GAPVD1: variants seen among roughly 807,000 people sequenced by gnomAD.
The protein encoded by GAPVD1 is GTPase activating protein and VPS9 domains 1.
Under a neutral mutation model 155.5 loss-of-function variants are expected in GAPVD1, and 35 were observed. That is an observed-to-expected ratio of 0.23 (90% CI 0.17 to 0.30). The LOEUF (loss-of-function observed/expected upper bound fraction) is 0.30. Among genes scored for constraint, GAPVD1 ranks in the 10% least tolerant of loss-of-function variants. The pLI, the probability that GAPVD1 is intolerant of heterozygous loss-of-function variation, is 1.00. For missense variants in GAPVD1, 1,429 were observed against 1,775.7 expected (o/e 0.80, Z 3.51); for synonymous variants, 636 against 619.7 (o/e 1.03, Z -0.39).
chr9:125,310,134 C>G (rs1401272495), intron 8 of GAPVD1: 2 of 235,546 alleles, frequency 8.5e-6, no homozygotes, highest in East Asian at 2.3e-4. Flanking sequence ...TGATTGCTTG[C>G]ATTTTTATAA....
chr9:125,264,596 C>T (rs899475610), intron 1 of GAPVD1, among the ~76,000 whole-genome samples: 1 of 152,080 alleles, frequency 6.6e-6, no homozygotes, highest in African/African-American at 2.4e-5. Flanking sequence ...ATATGTTGGC[C>T]TTTAAATTTT....
intron 23 of GAPVD1, among the ~76,000 whole-genome samples, chr9:125,353,896 C>A (rs1849666671): frequency 6.6e-6 from 1 of 152,172 alleles, no homozygotes; most frequent in African/African-American, 2.4e-5. Context: ...GATATTTACT[C>A]TGGAAATGTA....
intron 1 of GAPVD1, chr9:125,263,822 G>C: frequency 1.8e-6 from 2 of 1,110,804 alleles, no homozygotes; most frequent in South Asian, 2.5e-5. Flanking sequence ...CAGCTATGGC[G>C]TAGGGTAGCA....
intron 2 of GAPVD1, among the ~76,000 whole-genome samples, chr9:125,292,522 A>G (rs1838774411): frequency 1.3e-5 from 2 of 151,876 alleles, no homozygotes; most frequent in Non-Finnish European, 1.5e-5. Flanking sequence ...CCTCCTGAGT[A>G]GCTGGGATTA....
In GAPVD1 at chr9:125,363,190, T is replaced by C. The variant is rs991172991; in HGVS notation, c.*444T>C. The C allele has an allele frequency of 2.0e-5, 3 of 152,238 alleles. No homozygotes were observed. The highest frequency in any genetic ancestry group is 7.2e-5 in the African/African-American group (3 of 41,438). 9.4% of individuals were successfully genotyped at this position (152,238 alleles called of 1,614,324 possible). On this transcript the variant is annotated 3_prime_UTR_variant, in exon 28 of 28. Transcript: ENST00000297933. ...GTATGAGTTGCACTGAGGATTAGAA[T>C]AGTGGTGCGTTAGTGGCATTATCTA...
chr9:125,363,925 A>G lies in GAPVD1; in HGVS notation c.*1179A>G, dbSNP rs1484273682. On this transcript the variant is annotated 3_prime_UTR_variant, in exon 28 of 28. Coordinates refer to ENST00000297933, the MANE Select transcript of GAPVD1 (RefSeq NM_001282680.3). ...ATAGTTTGGTTTGCATTGTATATCA[A>G]TAATTAATCAGGAATGGGTTTTGGT... is the stretch of plus-strand genomic sequence containing the variant. The G allele has an allele frequency of 2.0e-5, 3 of 152,654 alleles. No homozygotes were observed. Among genetic ancestry groups the G allele is most frequent in the African/African-American group, 4.8e-5 (2 of 41,460 alleles). 9.5% of individuals were successfully genotyped at this position (152,654 alleles called of 1,614,324 possible). A position where few individuals can be genotyped will look rare whatever the true frequency, so the allele number is the denominator to read the frequency against.
chr9:125,306,166 C>T (rs1841761306), intron 6 of GAPVD1, among the ~76,000 whole-genome samples: 1 of 151,206 alleles, frequency 6.6e-6, no homozygotes, highest in Non-Finnish European at 1.5e-5. Flanking sequence ...TTTTTTGAGA[C>T]AGAGTTTCCT....
At chr9:125,316,505 G>T (rs2131363137) in intron 9 of GAPVD1, among the ~76,000 whole-genome samples, 1 of 152,292 alleles carries the variant, frequency 6.6e-6, no homozygotes, top group Non-Finnish European at 1.5e-5. Context: ...CAAAGGACAT[G>T]AACTAATCCT....
chr9:125,330,070 T>C lies in GAPVD1; in HGVS notation c.2033-8T>C. 1.3e-6 allele frequency: 2 copies of C among 1,599,594 alleles called. No homozygotes were observed. The highest frequency in any genetic ancestry group is 1.3e-5 in the African/African-American group (1 of 74,410). On this transcript the variant is annotated splice_region_variant and splice_polypyrimidine_tract_variant and intron_variant, in intron 12 of 27. Coordinates refer to ENST00000297933, the MANE Select transcript of GAPVD1 (RefSeq NM_001282680.3). ...TTGTTAACCCTTTGCTTCCCACTGGTTATACAGGTGCTGCAGCAGAGAACA... is the reference window on the plus strand; with the variant it reads ...TTGTTAACCCTTTGCTTCCCACTGGCTATACAGGTGCTGCAGCAGAGAACA...
intron 6 of GAPVD1, among the ~76,000 whole-genome samples, chr9:125,305,744 T>C (rs1490825608): frequency 1.3e-5 from 2 of 152,044 alleles, no homozygotes; most frequent in African/African-American, 4.8e-5. Flanking sequence ...TGGCTCAAAC[T>C]CCTGGGCTCA....
In GAPVD1 at chr9:125,342,247, A is replaced by C; in HGVS notation, c.2994A>C (p.Lys998Asn). 6.3e-7 allele frequency: 1 copy of C among 1,596,312 alleles called. No individual in the cohort carries two copies. ...CTATACCATTTAGAAAGAAAGAAAA[A>C]CAAGAAAAAGACAAAGATGATCTGG... Reference protein sequence around the residue: ...KAPIPFRKKEKQEKDKDDLGP... With the variant: ...KAPIPFRKKENQEKDKDDLGP... The change falls in exon 19 of 28, where the codon AAA becomes AAC. Residue 998 changes from lysine to asparagine, a missense_variant. Lys to Asn is a moderately conservative substitution (Grantham distance 94, BLOSUM62 0). Coordinates refer to ENST00000297933, the MANE Select transcript of GAPVD1 (RefSeq NM_001282680.3).
chr9:125,339,409 T>C (rs1266581845), intron 17 of GAPVD1, among the ~76,000 whole-genome samples: 1 of 152,256 alleles, frequency 6.6e-6, no homozygotes, highest in Non-Finnish European at 1.5e-5. Context: ...GATGCACTGC[T>C]ACTATTCTTT....
intron 9 of GAPVD1, among the ~76,000 whole-genome samples, chr9:125,316,534 A>C (rs973708670): frequency 1.6e-4 from 25 of 152,314 alleles, no homozygotes; most frequent in Non-Finnish European, 1.9e-4. Context: ...GCTGCAAACC[A>C]CTATGGCACA....
rs1851483400 is a variant in GAPVD1, at chr9:125,366,640, A to T, written c.*3894A>T. 1.3e-5 allele frequency: 2 copies of T among 152,184 alleles called. No homozygotes were observed. The highest frequency in any genetic ancestry group is 2.9e-5 in the Non-Finnish European group (2 of 68,028). The allele number at this position is 152,184 out of a possible 1,614,324, so 9.4% of individuals were successfully genotyped here. A position where few individuals can be genotyped will look rare whatever the true frequency, so the allele number is the denominator to read the frequency against. Reference sequence around the variant, plus strand: ...CTGAAACTATCTTGAAGCCCAAAGGATTTTTAGTAAGTGGATTAACAGTGA... The same window carrying T: ...CTGAAACTATCTTGAAGCCCAAAGGTTTTTTAGTAAGTGGATTAACAGTGA... On this transcript the variant is annotated 3_prime_UTR_variant, in exon 28 of 28. Coordinates refer to ENST00000297933, the MANE Select transcript of GAPVD1 (RefSeq NM_001282680.3).
intron 4 of GAPVD1, 113 bp downstream of exon 4, chr9:125,299,219 A>T: frequency 1.7e-6 from 1 of 575,036 alleles, no homozygotes. Flanking sequence ...ATTTAAGATA[A>T]TTTACATCAA....
At chr9:125,277,941 T>C (rs1012988570) in intron 2 of GAPVD1, among the ~76,000 whole-genome samples, 26 of 152,238 alleles carry the variant, frequency 1.7e-4, no homozygotes, top group African/African-American at 6.0e-4. Context: ...GTGTTGGGAT[T>C]ATAAGCGTGA....
intron 5 of GAPVD1, chr9:125,303,980 TCTC>T (rs1023219025): frequency 5.9e-5 from 9 of 152,154 alleles, no homozygotes; most frequent in Non-Finnish European, 1.0e-4. Context: ...ATGCTAATCT[TCTC>T]TGTAGAGTTC....
chr9:125,314,404 C>T (rs1225014843), intron 9 of GAPVD1, among the ~76,000 whole-genome samples: 1 of 152,020 alleles, frequency 6.6e-6, no homozygotes, highest in African/African-American at 2.4e-5. Flanking sequence ...ACCTATAATC[C>T]CAGCACTTTG....
intron 9 of GAPVD1, among the ~76,000 whole-genome samples, chr9:125,313,093 T>G (rs1313603805): frequency 6.6e-6 from 1 of 152,074 alleles, no homozygotes; most frequent in African/African-American, 2.4e-5. Flanking sequence ...GTGCTGAGAT[T>G]ACAGGTGTGA....
Sources: allele counts gnomAD v4.1 joint callset (sites outside exome capture counted in the v4.1 genomes callset), GRCh38; gene constraint gnomAD v4.1.1; transcripts MANE v1.5; gene names NCBI Gene and HGNC (gene_info 2026-07-23, HGNC 2026-07-21).